The following C10orf90 variants were observed in gnomAD, a reference collection of about 807,000 sequenced individuals.
C10orf90 encodes (E2-independent) E3 ubiquitin-conjugating enzyme FATS.
C10orf90 carries 56 observed loss-of-function variants against 62.5 expected under a neutral mutation model. That is an observed-to-expected ratio of 0.90 (90% CI 0.72 to 1.12). The LOEUF (loss-of-function observed/expected upper bound fraction) is 1.12, where lower values mean the gene tolerates loss of function less well. Ranked by LOEUF, C10orf90 falls within the 50% of genes most tolerant of loss-of-function variation. The probability of loss-of-function intolerance (pLI) is 0.00; values close to 1 mark genes in which losing one functional copy is unlikely to be tolerated. For missense variants in C10orf90, 970 were observed against 880.4 expected (o/e 1.10, Z -1.29); for synonymous variants, 386 against 340.4 (o/e 1.13, Z -1.47).
intron 4 of C10orf90, among the ~76,000 whole-genome samples, chr10:126,498,468 C>T (rs1190970300): frequency 6.6e-6 from 1 of 152,180 alleles, no homozygotes; most frequent in Non-Finnish European, 1.5e-5. Context: ...CTATAGCCCT[C>T]ACCACCACCC....
At chr10:126,550,118 G>A (rs1864599738) in intron 2 of C10orf90, among the ~76,000 whole-genome samples, 1 of 152,020 alleles carries the variant, frequency 6.6e-6, no homozygotes, top group African/African-American at 2.4e-5. Context: ...ACCACGCCTG[G>A]CTAATTTTTT....
chr10:126,486,614 T>C (rs767939640), intron 4 of C10orf90, among the ~76,000 whole-genome samples: 5 of 152,112 alleles, frequency 3.3e-5, no homozygotes, highest in African/African-American at 9.7e-5. Context: ...AATTTATGAA[T>C]GAAGAGCATG....
chr10:126,670,005 G>C (rs1293072312), intron 1 of C10orf90, among the ~76,000 whole-genome samples: 11 of 152,114 alleles, frequency 7.2e-5, no homozygotes, highest in Non-Finnish European at 1.6e-4. Flanking sequence ...TGTAAATGCA[G>C]ACATGTGTCA....
At chr10:126,500,370 A>G (rs1416772882) in intron 4 of C10orf90, among the ~76,000 whole-genome samples, 4 of 152,198 alleles carry the variant, frequency 2.6e-5, no homozygotes, top group African/African-American at 9.6e-5. Context: ...AAATCATTTA[A>G]TCTTCAAGCC....
At chr10:126,595,374 T>C (rs752142516) in intron 2 of C10orf90, among the ~76,000 whole-genome samples, 1 of 152,244 alleles carries the variant, frequency 6.6e-6, no homozygotes, top group Non-Finnish European at 1.5e-5. Context: ...TTTGGACGAC[T>C]GCCACCCCTC....
At position 126,434,976 on chromosome 10, in the gene C10orf90, G is replaced by A. The variant is rs1439269636; in HGVS notation, c.2189-5126C>T. Among the ~76,000 whole-genome samples the A allele has an allele frequency of 2.6e-5, 4 of 152,284 alleles. No individual in the cohort carries two copies. The East Asian group carries it at 7.7e-4, about 29-fold the overall frequency. ...AAGGTGAGTTAACGACTCATAGGTGGTTTGGCTCTGAAGTGCTCTCATGAT... is the reference window on the plus strand; with the variant it reads ...AAGGTGAGTTAACGACTCATAGGTGATTTGGCTCTGAAGTGCTCTCATGAT... On this transcript the variant is annotated intron_variant, in intron 7 of 9. Transcript: ENST00000488181.
chr10:126,458,991 C>G (rs143945881), intron 7 of C10orf90, 49 bp downstream of exon 7: 2 of 1,560,290 alleles, frequency 1.3e-6, no homozygotes, highest in Non-Finnish European at 1.7e-6. Context: ...GCTCCAGGAA[C>G]CCCCCATCCC....
At chr10:126,568,775 G>A (rs2134000917) in intron 2 of C10orf90, among the ~76,000 whole-genome samples, 1 of 152,284 alleles carries the variant, frequency 6.6e-6, no homozygotes, top group African/African-American at 2.4e-5. Context: ...GGGGCTCACA[G>A]CTCACAGTGC....
chr10:126,639,392 C>T (rs941325986), intron 2 of C10orf90, among the ~76,000 whole-genome samples: 3 of 152,162 alleles, frequency 2.0e-5, no homozygotes, highest in Admixed American at 2.0e-4. Flanking sequence ...AACCAAAAAC[C>T]AGTGCCAGAC....
At chr10:126,436,584 GT>G (rs1325009851) in intron 7 of C10orf90, among the ~76,000 whole-genome samples, 2 of 152,116 alleles carry the variant, frequency 1.3e-5, no homozygotes, top group African/African-American at 4.8e-5. Flanking sequence ...CCTTTGCTTG[GT>G]GCTATGTGCT....
intron 4 of C10orf90, among the ~76,000 whole-genome samples, chr10:126,476,192 A>T (rs1408106887): frequency 3.9e-5 from 6 of 152,134 alleles, no homozygotes. Flanking sequence ...CCCGAGTTCC[A>T]CTTCTCAGCG....
At chr10:126,554,820 G>T (rs1417774464) in intron 2 of C10orf90, among the ~76,000 whole-genome samples, 1 of 152,160 alleles carries the variant, frequency 6.6e-6, no homozygotes, top group Non-Finnish European at 1.5e-5. Flanking sequence ...TTATACTTGG[G>T]CAAGATAGCA....
intron 7 of C10orf90, among the ~76,000 whole-genome samples, chr10:126,443,760 T>G (rs1353055718): frequency 6.6e-6 from 1 of 152,116 alleles, no homozygotes; most frequent in Non-Finnish European, 1.5e-5. Flanking sequence ...TGAATACAGA[T>G]GCTAAAATTA....
At chr10:126,536,794 T>C (rs893518083) in intron 2 of C10orf90, among the ~76,000 whole-genome samples, 76 of 152,310 alleles carry the variant, frequency 5.0e-4, no homozygotes, top group African/African-American at 1.7e-3. Flanking sequence ...GCCGGAGACC[T>C]GGCCACACAA....
intron 1 of C10orf90, among the ~76,000 whole-genome samples, chr10:126,649,155 G>A (rs558068737): frequency 9.7e-4 from 143 of 147,286 alleles, no homozygotes; most frequent in African/African-American, 3.5e-3. Context: ...TCCAAAGCCC[G>A]GAACCATGTT....
intron 2 of C10orf90, among the ~76,000 whole-genome samples, chr10:126,528,380 G>A (rs1864004858): frequency 6.6e-6 from 1 of 152,162 alleles, no homozygotes; most frequent in African/African-American, 2.4e-5. Context: ...GCGTGTGTGG[G>A]AAGAAAGAGC....
intron 2 of C10orf90, among the ~76,000 whole-genome samples, chr10:126,533,566 G>C (rs938171659): frequency 1.3e-5 from 2 of 152,172 alleles, no homozygotes; most frequent in Non-Finnish European, 2.9e-5. Context: ...TGATTGGGTG[G>C]TCATTCCCCT....
At chr10:126,571,503 C>A (rs1396139565) in intron 2 of C10orf90, among the ~76,000 whole-genome samples, 1 of 152,200 alleles carries the variant, frequency 6.6e-6, no homozygotes, top group Non-Finnish European at 1.5e-5. Context: ...CCAGGCATAC[C>A]TGCACCCTGG....
At chr10:126,617,766 C>T (rs1845570461) in intron 2 of C10orf90, among the ~76,000 whole-genome samples, 2 of 152,232 alleles carry the variant, frequency 1.3e-5, no homozygotes, top group Admixed American at 6.5e-5. Context: ...TCTGCTACCT[C>T]ATCCCACAGT....
Sources: gnomAD v4.1 joint callset for allele counts (sites outside exome capture counted in the v4.1 genomes callset) on GRCh38, gnomAD v4.1.1 for gene constraint, MANE v1.5 for transcripts, NCBI Gene and HGNC (gene_info 2026-07-23, HGNC 2026-07-21) for gene names.